MAFK: variants seen among roughly 807,000 people sequenced by gnomAD.
The protein encoded by MAFK is transcription factor MafK.
In MAFK, 1 loss-of-function variant was observed where a neutral mutation model predicts 9.2. The ratio of observed to expected loss-of-function variants is 0.11; its 90% CI spans 0.04 to 0.52. MAFK has a LOEUF of 0.52. Ranked by LOEUF, MAFK falls within the 20% of genes least tolerant of loss-of-function variation. MAFK has a pLI of 0.94. For missense variants in MAFK, 207 were observed against 236.0 expected, an observed-to-expected ratio of 0.88 and a Z score of 0.81; for synonymous variants, 110 against 107.4, an observed-to-expected ratio of 1.02 and a Z score of -0.15.
intron 1 of MAFK, among the ~76,000 whole-genome samples, chr7:1,533,409 A>C (rs1055884554): frequency 1.3e-5 from 2 of 152,204 alleles, no homozygotes; most frequent in African/African-American, 4.8e-5. Flanking sequence ...ATCTAGAACC[A>C]GGCCTTGGTA....
Position 1,540,888 on chromosome 7 carries a change from G to GTC in MAFK, c.*514_*515insCT. On this transcript the variant is annotated 3_prime_UTR_variant, in exon 3 of 3. Coordinates refer to ENST00000343242, the MANE Select transcript of MAFK (RefSeq NM_002360.4). Reference sequence around the variant, plus strand: ...CAGTCCCCGGGGAGGAGCATGGATGGTGTGTCGGCAGCTCCGTCCTTCCAG... The same window carrying GTC: ...CAGTCCCCGGGGAGGAGCATGGATGGTCTGTGTCGGCAGCTCCGTCCTTCCAG... The GTC allele has an allele frequency of 6.3e-6, 1 of 158,214 alleles. No individual in the cohort carries two copies. Among genetic ancestry groups the GTC allele is most frequent in the Non-Finnish European group, 1.4e-5 (1 of 71,938 alleles). The allele number at this position is 158,214 out of a possible 1,614,324, so 9.8% of individuals were successfully genotyped here. A position where few individuals can be genotyped will look rare whatever the true frequency, so the allele number is the denominator to read the frequency against.
intron 1 of MAFK, chr7:1,537,251 C>T (rs570771351): frequency 4.0e-5 from 16 of 402,534 alleles, no homozygotes; most frequent in Admixed American, 6.4e-5. Flanking sequence ...CCTTTTCCGC[C>T]CGGCTGTGCT....
At chr7:1,539,583 GAGC>G (rs1784125920) in intron 2 of MAFK, among the ~76,000 whole-genome samples, 2 of 152,216 alleles carry the variant, frequency 1.3e-5, no homozygotes, top group African/African-American at 4.8e-5. Context: ...CCCAAGGCCC[GAGC>G]CCACCTGTGC....
intron 1 of MAFK, chr7:1,537,467 G>A (rs1784058492): frequency 1.9e-5 from 19 of 985,500 alleles, no homozygotes; most frequent in Non-Finnish European, 2.3e-5. Context: ...AGTTTCTCAT[G>A]GTGCTCCCAG....
rs554692736 is a variant in MAFK at position 1,540,081 on chromosome 7, C to G, written c.177C>G (p.Leu59=). ...VTRLKQRRRT[L]KNRGYAASCR... Reference sequence around the variant, plus strand: ...GCCTGAAGCAGCGTCGGCGCACACTCAAGAACCGCGGCTACGCGGCCAGCT... The same window carrying G: ...GCCTGAAGCAGCGTCGGCGCACACTGAAGAACCGCGGCTACGCGGCCAGCT... The change falls in exon 3 of 3, where the codon CTC becomes CTG. Residue 59 remains leucine (L), a synonymous_variant. Coordinates refer to ENST00000343242, the MANE Select transcript of MAFK (RefSeq NM_002360.4). 1.9e-6 allele frequency: 3 copies of G among 1,565,508 alleles called. No homozygotes were observed. Among genetic ancestry groups the G allele is most frequent in the Non-Finnish European group, 2.6e-6 (3 of 1,155,208 alleles).
At chr7:1,539,885 T>C (rs975219948) in intron 2 of MAFK, 56 bp from the exon 3 acceptor site, 1 of 1,417,974 alleles carries the variant, frequency 7.1e-7, no homozygotes, top group Non-Finnish European at 9.4e-7. Context: ...CCAGTGTCGG[T>C]CCCAGGCAGA....
chr7:1,539,138 A>G lies in MAFK; in HGVS notation c.-44-11A>G. ...CCTGTGCTGGCTTCTCTGCTTGTCC[A>G]TGTTTTCCAGCTACGAGTTCCAGGG... On this transcript the variant is annotated splice_polypyrimidine_tract_variant and intron_variant, in intron 1 of 2. Coordinates refer to ENST00000343242, the MANE Select transcript of MAFK (RefSeq NM_002360.4). 3 of 1,611,220 alleles carry G rather than the reference A, an allele frequency of 1.9e-6. No individual in the cohort carries two copies. Among genetic ancestry groups the G allele is most frequent in the Non-Finnish European group, 8.5e-7 (1 of 1,178,252 alleles).
chr7:1,536,401 T>C (rs779716685), intron 1 of MAFK, among the ~76,000 whole-genome samples: 2 of 152,218 alleles, frequency 1.3e-5, no homozygotes, highest in Non-Finnish European at 2.9e-5. Flanking sequence ...GACCAGGTGC[T>C]AATGCAGTAG....
At chr7:1,536,409 T>A (rs1784031019) in intron 1 of MAFK, among the ~76,000 whole-genome samples, 1 of 152,148 alleles carries the variant, frequency 6.6e-6, no homozygotes, top group African/African-American at 2.4e-5. Flanking sequence ...GCTAATGCAG[T>A]AGCCCCTGCC....
intron 1 of MAFK, among the ~76,000 whole-genome samples, chr7:1,533,497 C>T (rs913709138): frequency 2.0e-5 from 3 of 152,160 alleles, no homozygotes; most frequent in African/African-American, 7.2e-5. Flanking sequence ...CACGTGCTCT[C>T]TGCAGATGGT....
Position 1,540,073 on chromosome 7 carries a change from C to T in MAFK, c.169C>T (p.Arg57Cys), listed in dbSNP as rs1431215647. The change falls in exon 3 of 3, where the codon CGC becomes TGC. Residue 57 changes from arginine to cysteine, a missense_variant. By Grantham distance (180) the Arg-to-Cys change is radical. Transcript: ENST00000343242. Reference sequence around the variant, plus strand: ...GGTGACCCGCCTGAAGCAGCGTCGGCGCACACTCAAGAACCGCGGCTACGC... The same window carrying T: ...GGTGACCCGCCTGAAGCAGCGTCGGTGCACACTCAAGAACCGCGGCTACGC... ...EEVTRLKQRR[R>C]TLKNRGYAAS... 1.3e-6 allele frequency: 2 copies of T among 1,563,214 alleles called. No homozygotes were observed. The highest frequency in any genetic ancestry group is 1.7e-6 in the Non-Finnish European group (2 of 1,153,878).
chr7:1,542,587 G>A lies in MAFK; in HGVS notation c.*2212G>A, dbSNP rs962977949. ...CAGGGTGGACGGAGCCGCTGTCACCGCCCAGAGCTGGGCCGGGGAAGCACG... is the reference window on the plus strand; with the variant it reads ...CAGGGTGGACGGAGCCGCTGTCACCACCCAGAGCTGGGCCGGGGAAGCACG... On this transcript the variant is annotated 3_prime_UTR_variant, in exon 3 of 3. Transcript: ENST00000343242. 2.6e-5 allele frequency: 4 copies of A among 152,280 alleles called. No individual in the cohort carries two copies. The highest frequency in any genetic ancestry group is 6.5e-5 in the Admixed American group (1 of 15,292). The allele number at this position is 152,280 out of a possible 1,614,324, so 9.4% of individuals were successfully genotyped here.
At chr7:1,535,198 C>T (rs1362087361) in intron 1 of MAFK, among the ~76,000 whole-genome samples, 1 of 147,066 alleles carries the variant, frequency 6.8e-6, no homozygotes, top group Non-Finnish European at 1.5e-5. Context: ...AGGCAAGAGC[C>T]ACTGTGCCCA....
Position 1,541,193 on chromosome 7 carries a change from G to T in MAFK, c.*818G>T. ...GCACAGCGCAGAAGCCCCTGCCCACGGGATCCGGCCCCCCAGACACCGACC... is the reference window on the plus strand; with the variant it reads ...GCACAGCGCAGAAGCCCCTGCCCACTGGATCCGGCCCCCCAGACACCGACC... On this transcript the variant is annotated 3_prime_UTR_variant, in exon 3 of 3. Transcript: ENST00000343242. 1 of 152,922 alleles carries T rather than the reference G, an allele frequency of 6.5e-6. No individual in the cohort carries two copies. The highest frequency in any genetic ancestry group is 1.5e-5 in the Non-Finnish European group (1 of 68,192). 9.5% of individuals were successfully genotyped at this position (152,922 alleles called of 1,614,324 possible).
In MAFK at chr7:1,542,200, C is replaced by CA. The variant is rs1261917592; in HGVS notation, c.*1826dup. ...AATCCATATTGGATGTCATAAGGAC[C>CA]AGGGGGATATTTAAAGAGAGAAACA... On this transcript the variant is annotated 3_prime_UTR_variant, in exon 3 of 3. Transcript: ENST00000343242. 2.6e-5 allele frequency: 4 copies of CA among 152,452 alleles called. No homozygotes were observed. Among genetic ancestry groups the CA allele is most frequent in the Non-Finnish European group, 2.9e-5 (2 of 68,038 alleles). 9.4% of individuals were successfully genotyped at this position (152,452 alleles called of 1,614,324 possible).
rs978369112 is a variant in MAFK at position 1,534,558 on chromosome 7, C to A, written c.-45+3660C>A. ...TCGCACAGAGCTCCCGTCCTCCGTT[C>A]CTGGTCTTCCTCCTGCCCCTCCTCC... On this transcript the variant is annotated intron_variant, in intron 1 of 2. Transcript: ENST00000343242. The surrounding 1 kb of genome is among the most constrained non-coding windows in gnomAD (Gnocchi z 4.3). 4.4e-6 allele frequency: 2 copies of A among 456,210 alleles called. No individual in the cohort carries two copies. Among genetic ancestry groups the A allele is most frequent in the African/African-American group, 2.0e-5 (1 of 50,042 alleles). The allele number at this position is 456,210 out of a possible 1,614,324, so 28.3% of individuals were successfully genotyped here.
At position 1,540,497 on chromosome 7, in the gene MAFK, G is replaced by C. The variant is rs1371491012; in HGVS notation, c.*122G>C. 9.9e-7 allele frequency: 1 copy of C among 1,011,668 alleles called. No homozygotes were observed. The highest frequency in any genetic ancestry group is 2.7e-5 in the East Asian group (1 of 37,424). 62.7% of individuals were successfully genotyped at this position (1,011,668 alleles called of 1,614,324 possible). Reference sequence around the variant, plus strand: ...TCCGAGTCCAAGCGCAGGCCCCTCGGGCGCAGGCAGCTCACACCAGGAAGA... The same window carrying C: ...TCCGAGTCCAAGCGCAGGCCCCTCGCGCGCAGGCAGCTCACACCAGGAAGA... On this transcript the variant is annotated 3_prime_UTR_variant, in exon 3 of 3. Transcript: ENST00000343242.
In MAFK at chr7:1,542,084, G is replaced by T. The variant is rs1667438205; in HGVS notation, c.*1709G>T. ...GTGTCTACTGTTAGAAGTTGAGTGG[G>T]AAGCTGCAGGCCCGCCAGGACCACT... On this transcript the variant is annotated 3_prime_UTR_variant, in exon 3 of 3. Coordinates refer to ENST00000343242, the MANE Select transcript of MAFK (RefSeq NM_002360.4). The T allele has an allele frequency of 6.6e-6, 1 of 152,252 alleles. No homozygotes were observed. The highest frequency in any genetic ancestry group is 2.1e-4 in the South Asian group (1 of 4,836). The allele number at this position is 152,252 out of a possible 1,614,324, so 9.4% of individuals were successfully genotyped here.
At chr7:1,530,998 G>A (rs1352438785) in intron 1 of MAFK, 100 bp downstream of exon 1, 2 of 146,806 alleles carry the variant, frequency 1.4e-5, no homozygotes, top group African/African-American at 4.9e-5. Context: ...CCGCCTGGGG[G>A]CGCGGGCCGA....
Sources: allele counts gnomAD v4.1 joint callset (sites outside exome capture counted in the v4.1 genomes callset), GRCh38; gene constraint gnomAD v4.1.1; non-coding constraint Gnocchi (gnomAD v3.1); transcripts MANE v1.5; gene names NCBI Gene and HGNC (gene_info 2026-07-23, HGNC 2026-07-21).